Variants in DNAJC24 observed in about 807,000 individuals in gnomAD.
DNAJC24 encodes dnaJ homolog subfamily C member 24.
DNAJC24 carries 17 observed loss-of-function variants against 18.0 expected under a neutral mutation model. The observed-to-expected ratio is 0.94, with a 90% CI of 0.65 to 1.42. The LOEUF (loss-of-function observed/expected upper bound fraction) is 1.42, where lower values mean the gene tolerates loss of function less well. DNAJC24 is among the 40% of genes most tolerant of loss of function. The pLI, the probability that DNAJC24 is intolerant of heterozygous loss-of-function variation, is 0.00. For missense variants in DNAJC24, 158 were observed against 175.6 expected (o/e 0.90, Z 0.57); for synonymous variants, 55 against 57.7 (o/e 0.95, Z 0.21).
chr11:31,376,673 T>C (rs1160834437), intron 2 of DNAJC24, among the ~76,000 whole-genome samples: 2 of 152,238 alleles, frequency 1.3e-5, no homozygotes, highest in Non-Finnish European at 2.9e-5. Flanking sequence ...CCTCTGACTC[T>C]AGATTCTCTC....
intron 2 of DNAJC24, among the ~76,000 whole-genome samples, chr11:31,410,189 C>A (rs1322670198): frequency 1.3e-5 from 2 of 152,072 alleles, no homozygotes; most frequent in Non-Finnish European, 2.9e-5. Context: ...CCCAGCCAGT[C>A]ATTTTTATTT....
intron 2 of DNAJC24, among the ~76,000 whole-genome samples, chr11:31,406,548 G>A (rs1223408529): frequency 6.6e-6 from 1 of 152,170 alleles, no homozygotes; most frequent in Admixed American, 6.5e-5. Flanking sequence ...AAGCTTGAAT[G>A]GTAGGTTGTG....
intron 3 of DNAJC24, among the ~76,000 whole-genome samples, chr11:31,425,135 A>G (rs1281937991): frequency 6.6e-6 from 1 of 152,176 alleles, no homozygotes; most frequent in Non-Finnish European, 1.5e-5. Context: ...CCTGTTACAA[A>G]GCTTAGGTGG....
chr11:31,412,945 A>C (rs1952721968), intron 2 of DNAJC24, among the ~76,000 whole-genome samples: 1 of 152,246 alleles, frequency 6.6e-6, no homozygotes, highest in Admixed American at 6.5e-5. Context: ...AGTAAAACTT[A>C]CATACATTAC....
chr11:31,406,789 A>G (rs751639639), intron 2 of DNAJC24, among the ~76,000 whole-genome samples: 1 of 152,106 alleles, frequency 6.6e-6, no homozygotes, highest in Non-Finnish European at 1.5e-5. Flanking sequence ...ATAGAAAGGA[A>G]ATTATGTAGG....
chr11:31,430,290 G>C lies in DNAJC24; in HGVS notation c.339G>C (p.Leu113=). The C allele has an allele frequency of 6.2e-7, 1 of 1,608,158 alleles. No homozygotes were observed. Among genetic ancestry groups the C allele is most frequent in the South Asian group, 1.1e-5 (1 of 90,164 alleles). ...SWNEGDHSFY[L]SCRCGGKYSV... Reference sequence around the variant, plus strand: ...TTGCAGGTGATCACTCTTTTTATCTGAGTTGCAGATGTGGTGGAAAATACA... The same window carrying C: ...TTGCAGGTGATCACTCTTTTTATCTCAGTTGCAGATGTGGTGGAAAATACA... Residue 113 remains leucine (L), a synonymous_variant, in exon 5 of 5, where the codon CTG becomes CTC. Coordinates refer to ENST00000465995, the MANE Select transcript of DNAJC24 (RefSeq NM_181706.5).
chr11:31,382,330 AC>A (rs1300386056), intron 2 of DNAJC24, among the ~76,000 whole-genome samples: 1 of 152,090 alleles, frequency 6.6e-6, no homozygotes, highest in African/African-American at 2.4e-5. Flanking sequence ...ACACAATAAT[AC>A]CTACCTCAAG....
chr11:31,379,838 A>G (rs1447927297), intron 2 of DNAJC24, among the ~76,000 whole-genome samples: 3 of 151,816 alleles, frequency 2.0e-5, no homozygotes, highest in African/African-American at 7.3e-5. Context: ...TCTCACTGCA[A>G]CCTCCACTTC....
intron 2 of DNAJC24, among the ~76,000 whole-genome samples, chr11:31,405,052 C>T (rs973926909): frequency 1.3e-4 from 19 of 149,776 alleles, no homozygotes; most frequent in Non-Finnish European, 1.8e-4. Flanking sequence ...GTAGAGAAAG[C>T]GGCATTAGGA....
intron 2 of DNAJC24, among the ~76,000 whole-genome samples, chr11:31,397,060 A>G (rs562077313): frequency 2.0e-5 from 3 of 152,178 alleles, no homozygotes; most frequent in East Asian, 1.9e-4. Flanking sequence ...ACCTTCCCCA[A>G]CTTATCCAAG....
At chr11:31,404,202 A>G (rs1180030313) in intron 2 of DNAJC24, among the ~76,000 whole-genome samples, 1 of 151,832 alleles carries the variant, frequency 6.6e-6, no homozygotes, top group Non-Finnish European at 1.5e-5. Context: ...TCTTGTATCA[A>G]CCTCCTATCT....
chr11:31,387,169 A>T (rs1364257512), intron 2 of DNAJC24, among the ~76,000 whole-genome samples: 1 of 152,152 alleles, frequency 6.6e-6, no homozygotes, highest in African/African-American at 2.4e-5. Context: ...GGCCAGGGGG[A>T]TCTTACTGTC....
Position 31,432,613 on chromosome 11 carries a change from T to A in DNAJC24, c.*2212T>A. On this transcript the variant is annotated 3_prime_UTR_variant, in exon 5 of 5. Coordinates refer to ENST00000465995, the MANE Select transcript of DNAJC24 (RefSeq NM_181706.5). ...TTGAAGACAATTAGTGAAAGTAATG[T>A]TATAGTATCATCATATTCCCTTTTG... is the stretch of plus-strand genomic sequence containing the variant. 1 of 1,256,642 alleles carries A rather than the reference T, an allele frequency of 8.0e-7. No homozygotes were observed. Among genetic ancestry groups the A allele is most frequent in the South Asian group, 1.2e-5 (1 of 83,580 alleles). 77.8% of individuals were successfully genotyped at this position (1,256,642 alleles called of 1,614,324 possible).
At chr11:31,429,933 TGAAAA>T (rs1952903705) in intron 4 of DNAJC24, 1 of 164,342 alleles carries the variant, frequency 6.1e-6, no homozygotes, top group Admixed American at 6.2e-5. Context: ...AATACATTGT[TGAAAA>T]GAATGTAAAA....
At chr11:31,408,806 GAGGAAAT>G (rs1049148900) in intron 2 of DNAJC24, among the ~76,000 whole-genome samples, 1 of 152,100 alleles carries the variant, frequency 6.6e-6, no homozygotes, top group Non-Finnish European at 1.5e-5. Context: ...CCCAAAATTT[GAGGAAAT>G]TACTTAGATC....
At chr11:31,391,056 A>C (rs1952490537) in intron 2 of DNAJC24, among the ~76,000 whole-genome samples, 1 of 152,172 alleles carries the variant, frequency 6.6e-6, no homozygotes, top group South Asian at 2.1e-4. Context: ...GCATACATAG[A>C]TCAATCAATG....
chr11:31,398,544 A>G lies in DNAJC24; in HGVS notation c.112-16267A>G, dbSNP rs144735952. 2.0e-3 allele frequency among the ~76,000 whole-genome samples: 312 copies of G among 152,370 alleles called. 4 individuals carry two copies. Among genetic ancestry groups the G allele is most frequent in the African/African-American group, 7.1e-3 (295 of 41,592 alleles). ...AATAAAAGAAATAGATAACTTTTAT[A>G]GGAAACAGTTTTAGCATTGATTCAA... On this transcript the variant is annotated intron_variant, in intron 2 of 4. Transcript: ENST00000465995.
intron 2 of DNAJC24, among the ~76,000 whole-genome samples, chr11:31,406,384 T>A (rs1314683778): frequency 6.6e-6 from 1 of 152,234 alleles, no homozygotes; most frequent in African/African-American, 2.4e-5. Flanking sequence ...TCATATTTTG[T>A]ACTTTTGGGG....
chr11:31,414,873 G>A lies in DNAJC24; in HGVS notation c.174G>A (p.Lys58=). The part of the protein sequence containing the change: ...PAGTVEECVQ[K]FIEIDQAWKI... ...GAACAGTGGAGGAATGTGTACAGAA[G>A]TTCATCGAAATTGATCAAGCATGGA... is the stretch of plus-strand genomic sequence containing the variant. The change falls in exon 3 of 5, where the codon AAG becomes AAA. Residue 58 remains lysine, a synonymous_variant. Transcript: ENST00000465995. The A allele has an allele frequency of 6.2e-7, 1 of 1,614,022 alleles. No individual in the cohort carries two copies. The highest frequency in any genetic ancestry group is 1.7e-4 in the Middle Eastern group (1 of 6,060).
Sources: allele counts gnomAD v4.1 joint callset (sites outside exome capture counted in the v4.1 genomes callset), GRCh38; gene constraint gnomAD v4.1.1; transcripts MANE v1.5; gene names NCBI Gene and HGNC (gene_info 2026-07-23, HGNC 2026-07-21).